Variants in ROBO2 observed in about 807,000 individuals in gnomAD.
The protein encoded by ROBO2 is roundabout homolog 2.
ROBO2 carries 53 observed loss-of-function variants against 160.8 expected under a neutral mutation model. The ratio of observed to expected loss-of-function variants is 0.33; its 90% CI spans 0.26 to 0.41. ROBO2 has a LOEUF of 0.41. Among genes scored for constraint, ROBO2 ranks in the 10% least tolerant of loss-of-function variants. The pLI is 1.00. For synonymous variants in ROBO2, 664 were observed against 611.7 expected, an observed-to-expected ratio of 1.09 and a Z score of -1.26; for missense variants, 1,577 against 1,722.4, an observed-to-expected ratio of 0.92 and a Z score of 1.49.
At chr3:76,894,076 C>G (rs2074573593) in intron 2 of ROBO2, among the ~76,000 whole-genome samples, 1 of 152,090 alleles carries the variant, frequency 6.6e-6, no homozygotes. Context: ...GCGATACACC[C>G]TTTTGAAGTC....
At chr3:77,025,251 G>T (rs2062893377) in intron 2 of ROBO2, among the ~76,000 whole-genome samples, 1 of 152,086 alleles carries the variant, frequency 6.6e-6, no homozygotes, top group Non-Finnish European at 1.5e-5. Flanking sequence ...TTTTGGACTT[G>T]TCTTTACTAA....
At chr3:77,005,806 G>T (rs536266760) in intron 2 of ROBO2, among the ~76,000 whole-genome samples, 4 of 152,124 alleles carry the variant, frequency 2.6e-5, no homozygotes, top group South Asian at 2.1e-4. Context: ...AGATTACGAA[G>T]CAAAAAAGGA....
At chr3:76,278,215 C>A (rs1293250366) in intron 2 of ROBO2, among the ~76,000 whole-genome samples, 1 of 151,836 alleles carries the variant, frequency 6.6e-6, no homozygotes, top group Non-Finnish European at 1.5e-5. Context: ...TGAAGAAAAA[C>A]ATTATGATTG....
At chr3:77,605,842 T>G (rs2153694903) in intron 20 of ROBO2, among the ~76,000 whole-genome samples, 1 of 152,238 alleles carries the variant, frequency 6.6e-6, no homozygotes, top group South Asian at 2.1e-4. Context: ...CACCTAACAT[T>G]TCTAAAAGTA....
intron 2 of ROBO2, among the ~76,000 whole-genome samples, chr3:76,361,670 A>G (rs1294108706): frequency 6.6e-6 from 1 of 152,142 alleles, no homozygotes; most frequent in East Asian, 1.9e-4. Context: ...AGAGAAATGC[A>G]TAATCTTTAT....
At chr3:76,492,396 A>G (rs1047552335) in intron 2 of ROBO2, among the ~76,000 whole-genome samples, 7 of 152,096 alleles carry the variant, frequency 4.6e-5, no homozygotes, top group Non-Finnish European at 8.8e-5. Flanking sequence ...ATGTTCTCTC[A>G]TAGACTCTGC....
At chr3:76,618,264 G>A (rs2088758856) in intron 2 of ROBO2, among the ~76,000 whole-genome samples, 1 of 151,552 alleles carries the variant, frequency 6.6e-6, no homozygotes, top group African/African-American at 2.4e-5. Context: ...TTGGCATGTT[G>A]TAAATGCCCA....
chr3:76,697,191 T>C (rs1460111627), intron 2 of ROBO2, among the ~76,000 whole-genome samples: 2 of 152,174 alleles, frequency 1.3e-5, no homozygotes, highest in Non-Finnish European at 2.9e-5. Flanking sequence ...AATATAACCA[T>C]GGAAGAGAGT....
intron 2 of ROBO2, among the ~76,000 whole-genome samples, chr3:76,449,166 T>C (rs910615130): frequency 6.6e-6 from 1 of 152,162 alleles, no homozygotes. Context: ...GTTTTGATCT[T>C]ACCAAATATA....
chr3:76,023,251 T>G (rs145491637), intron 2 of ROBO2, among the ~76,000 whole-genome samples: 1 of 151,754 alleles, frequency 6.6e-6, no homozygotes, highest in Admixed American at 6.6e-5. Context: ...TTCACTGTAG[T>G]AGCACTTTCA....
At chr3:77,187,136 A>T (rs552850309) in intron 2 of ROBO2, among the ~76,000 whole-genome samples, 37 of 152,160 alleles carry the variant, frequency 2.4e-4, no homozygotes, top group African/African-American at 8.9e-4. Context: ...GGAAAGCAGT[A>T]TCAGGATTAA....
At position 76,149,576 on chromosome 3, in the gene ROBO2, G is replaced by T. The variant is rs1027413435; in HGVS notation, c.109+211974G>T. Reference sequence around the variant, plus strand: ...CTAAAGCACACATCATCTGTCTAAAGCACACATCATCTGTCTAAAACACAC... The same window carrying T: ...CTAAAGCACACATCATCTGTCTAAATCACACATCATCTGTCTAAAACACAC... On this transcript the variant is annotated intron_variant, in intron 2 of 26. Coordinates refer to the ROBO2 transcript ENST00000487694. 1.6e-5 allele frequency among the ~76,000 whole-genome samples: 2 copies of T among 122,888 alleles called. 1 individual carries two copies. The highest frequency in any genetic ancestry group is 1.6e-4 in the Admixed American group (2 of 12,618). The allele number at this position is 122,888 out of a possible 152,430, so 80.6% of individuals were successfully genotyped here. A position where few individuals can be genotyped will look rare whatever the true frequency, so the allele number is the denominator to read the frequency against.
chr3:77,136,479 CTTTTTTTT>C (rs59688881), intron 2 of ROBO2, among the ~76,000 whole-genome samples: 1 of 67,890 alleles, frequency 1.5e-5, no homozygotes, highest in Non-Finnish European at 2.6e-5. Context: ...ATAAAATATG[CTTTTTTTT>C]TTTTTTTTTT....
chr3:76,071,794 T>A (rs1400181394), intron 2 of ROBO2, among the ~76,000 whole-genome samples: 1 of 151,740 alleles, frequency 6.6e-6, no homozygotes, highest in African/African-American at 2.4e-5. Flanking sequence ...TTAATGATTA[T>A]AATCTTATTA....
At chr3:76,624,575 G>C (rs1001827166) in intron 2 of ROBO2, among the ~76,000 whole-genome samples, 1 of 151,866 alleles carries the variant, frequency 6.6e-6, no homozygotes, top group Non-Finnish European at 1.5e-5. Context: ...GAGGCGGGCG[G>C]ATCGCCTGAG....
At chr3:76,060,049 T>C (rs2068016729) in intron 2 of ROBO2, among the ~76,000 whole-genome samples, 1 of 152,176 alleles carries the variant, frequency 6.6e-6, no homozygotes. Context: ...TATATATTTT[T>C]AAGACATTAT....
chr3:75,987,229 C>T (rs766395726), intron 2 of ROBO2, among the ~76,000 whole-genome samples: 8 of 151,874 alleles, frequency 5.3e-5, no homozygotes, highest in Non-Finnish European at 1.0e-4. Context: ...TAATGTCTTC[C>T]ATAGTTTTCA....
At chr3:76,040,448 G>A (rs2067243485) in intron 2 of ROBO2, among the ~76,000 whole-genome samples, 1 of 151,692 alleles carries the variant, frequency 6.6e-6, no homozygotes, top group African/African-American at 2.4e-5. Context: ...TTTTAAGTTT[G>A]AAATTATGAA....
intron 2 of ROBO2, among the ~76,000 whole-genome samples, chr3:76,402,382 C>A (rs547150714): frequency 6.6e-6 from 1 of 151,466 alleles, no homozygotes; most frequent in South Asian, 2.1e-4. Flanking sequence ...TGGGGCAGCT[C>A]TCTTCCTTGT....
Sources: gnomAD v4.1 joint callset for allele counts (sites outside exome capture counted in the v4.1 genomes callset) on GRCh38, gnomAD v4.1.1 for gene constraint, MANE v1.5 for transcripts, NCBI Gene and HGNC (gene_info 2026-07-23, HGNC 2026-07-21) for gene names.